BIRC2: variants seen among roughly 807,000 people sequenced by gnomAD.
BIRC2 encodes the protein baculoviral IAP repeat-containing protein 2.
Under a neutral mutation model 60.9 loss-of-function variants are expected in BIRC2, and 18 were observed. The ratio of observed to expected loss-of-function variants is 0.30; its 90% CI spans 0.20 to 0.44. BIRC2 has a LOEUF of 0.44. Ranked by LOEUF, BIRC2 falls within the 20% of genes least tolerant of loss-of-function variation. The pLI is 1.00. For synonymous variants in BIRC2, 282 were observed against 247.7 expected (o/e 1.14, Z -1.30); for missense variants, 701 against 728.5 (o/e 0.96, Z 0.43).
chr11:102,376,858 T>C (rs951096534), intron 6 of BIRC2, among the ~76,000 whole-genome samples: 2 of 152,154 alleles, frequency 1.3e-5, no homozygotes, highest in African/African-American at 2.4e-5. Context: ...ATGAGGAAAC[T>C]GAGGTGTATG....
intron 3 of BIRC2, among the ~76,000 whole-genome samples, chr11:102,362,209 A>C (rs979507961): frequency 6.6e-6 from 1 of 152,028 alleles, no homozygotes; most frequent in African/African-American, 2.4e-5. Flanking sequence ...TATATGATCC[A>C]TTTTTACTAT....
intron 5 of BIRC2, among the ~76,000 whole-genome samples, chr11:102,364,426 C>T (rs922822677): frequency 6.6e-6 from 1 of 151,926 alleles, no homozygotes; most frequent in East Asian, 1.9e-4. Flanking sequence ...ATTTGGAAAA[C>T]GTCAATTCAC....
At chr11:102,350,809 C>A (rs368472149) in intron 2 of BIRC2, 35 bp from the exon 3 acceptor site, 3 of 1,609,908 alleles carry the variant, frequency 1.9e-6, no homozygotes, top group Non-Finnish European at 2.5e-6. Flanking sequence ...TTAGAACATA[C>A]GTGTTTTCAA....
rs188890874 is a variant in BIRC2, at chr11:102,351,535, A to C, written c.995+592A>C. 2.9e-3 allele frequency among the ~76,000 whole-genome samples: 404 copies of C among 140,664 alleles called. 4 individuals carry two copies. The highest frequency in any genetic ancestry group is 1.0e-2 in the African/African-American group (382 of 38,332). 92.3% of individuals were successfully genotyped at this position (140,664 alleles called of 152,430 possible). On this transcript the variant is annotated intron_variant, in intron 3 of 8. Transcript: ENST00000227758. ...GAGGCTGAGACAGGAGAATCGCTTG[A>C]GCTCAGGAGGCGGAGGCTGCAGTGA...
At chr11:102,354,289 A>G (rs1472635298) in intron 3 of BIRC2, among the ~76,000 whole-genome samples, 1 of 152,174 alleles carries the variant, frequency 6.6e-6, no homozygotes, top group Non-Finnish European at 1.5e-5. Flanking sequence ...GGCTCACTGC[A>G]ATCTCCACCT....
chr11:102,353,978 T>C (rs1951391888), intron 3 of BIRC2, among the ~76,000 whole-genome samples: 1 of 152,154 alleles, frequency 6.6e-6, no homozygotes, highest in African/African-American at 2.4e-5. Context: ...CATACTGAAG[T>C]CCAGAAGTTG....
intron 5 of BIRC2, among the ~76,000 whole-genome samples, chr11:102,365,574 C>G (rs754213159): frequency 6.6e-6 from 1 of 152,050 alleles, no homozygotes; most frequent in South Asian, 2.1e-4. Flanking sequence ...GGTGCTTTGT[C>G]GTTGTTTTTT....
chr11:102,374,710 T>G (rs527841054), intron 6 of BIRC2, among the ~76,000 whole-genome samples: 1 of 151,280 alleles, frequency 6.6e-6, no homozygotes, highest in Non-Finnish European at 1.5e-5. Flanking sequence ...TTCGAGTTCC[T>G]GGCTGCTTTG....
At chr11:102,360,241 C>T (rs181911453) in intron 3 of BIRC2, among the ~76,000 whole-genome samples, 21 of 152,288 alleles carry the variant, frequency 1.4e-4, no homozygotes, top group Admixed American at 2.6e-4. Flanking sequence ...TGCTGGATTA[C>T]AGGTGTGAGC....
At chr11:102,359,753 A>G (rs371117927) in intron 3 of BIRC2, among the ~76,000 whole-genome samples, 14 of 152,132 alleles carry the variant, frequency 9.2e-5, no homozygotes, top group Admixed American at 7.9e-4. Flanking sequence ...TTTCTGTTAC[A>G]GTTTTAAAAT....
chr11:102,367,322 C>T (rs1302803620), intron 5 of BIRC2, among the ~76,000 whole-genome samples: 70 of 143,712 alleles, frequency 4.9e-4, no homozygotes, highest in Non-Finnish European at 7.5e-4. Context: ...TTTTTTTTTT[C>T]TGCTGTAAAT....
intron 6 of BIRC2, among the ~76,000 whole-genome samples, chr11:102,375,403 A>C (rs1951698593): frequency 6.6e-6 from 1 of 152,210 alleles, no homozygotes; most frequent in Non-Finnish European, 1.5e-5. Flanking sequence ...AAAGACAGGA[A>C]TAACTTAAGA....
At chr11:102,351,942 T>C (rs1024834814) in intron 3 of BIRC2, among the ~76,000 whole-genome samples, 1 of 152,180 alleles carries the variant, frequency 6.6e-6, no homozygotes, top group Admixed American at 6.5e-5. Flanking sequence ...TTTAAGTGTA[T>C]AGTTGTGTGT....
rs564105415 is a variant in BIRC2 at position 102,374,615 on chromosome 11, CTT to C, written c.1367-2877_1367-2876del. Among the ~76,000 whole-genome samples, 1,471 of 151,896 alleles carry C rather than the reference CTT, an allele frequency of 9.7e-3. 23 individuals are homozygous for C. Among genetic ancestry groups the C allele is most frequent in the African/African-American group, 0.034 (1,415 of 41,394 alleles). ...TTAAGTCTGCAGAGGTTACTGCTGTCTTTTTGTTTGTCTGTGCCCTGCCCCCA... is the reference window on the plus strand; with the variant it reads ...TTAAGTCTGCAGAGGTTACTGCTGTCTTTGTTTGTCTGTGCCCTGCCCCCA... On this transcript the variant is annotated intron_variant, in intron 6 of 8. Coordinates refer to ENST00000227758, the MANE Select transcript of BIRC2 (RefSeq NM_001166.5).
chr11:102,367,354 T>C (rs1373916229), intron 5 of BIRC2, among the ~76,000 whole-genome samples: 1 of 152,128 alleles, frequency 6.6e-6, no homozygotes, highest in Non-Finnish European at 1.5e-5. Flanking sequence ...GATCCTCTAA[T>C]GTGTCTCTTA....
intron 3 of BIRC2, among the ~76,000 whole-genome samples, chr11:102,358,851 T>A (rs147169508): frequency 7.0e-4 from 106 of 152,334 alleles, no homozygotes; most frequent in African/African-American, 2.4e-3. Context: ...ATGCATGTGC[T>A]TAAAGGTGAA....
intron 3 of BIRC2, among the ~76,000 whole-genome samples, chr11:102,362,252 C>A (rs35349073): frequency 2.2e-4 from 33 of 151,662 alleles, no homozygotes; most frequent in African/African-American, 6.3e-4. Context: ...GGTCAGTGTT[C>A]CTTTTTTTTA....
Position 102,369,531 on chromosome 11 carries a change from A to T in BIRC2, c.1366+983A>T, listed in dbSNP as rs1269558131. Among the ~76,000 whole-genome samples the T allele has an allele frequency of 4.9e-3, 719 of 148,174 alleles. 6 individuals carry two copies. Among genetic ancestry groups the T allele is most frequent in the African/African-American group, 0.017 (682 of 39,790 alleles). On this transcript the variant is annotated intron_variant, in intron 6 of 8. Transcript: ENST00000227758. ...ATGGCTGCATAGTATTCCATGGTGT[A>T]TATGTGCCACATTTTCTTAATCCGG...
chr11:102,352,394 G>A (rs189362514), intron 3 of BIRC2, among the ~76,000 whole-genome samples: 131 of 150,938 alleles, frequency 8.7e-4, no homozygotes, highest in East Asian at 4.5e-3. Context: ...GATTACAGGC[G>A]TGAGCCACCG....
Sources: gnomAD v4.1 joint callset for allele counts (sites outside exome capture counted in the v4.1 genomes callset) on GRCh38, gnomAD v4.1.1 for gene constraint, MANE v1.5 for transcripts, NCBI Gene and HGNC (gene_info 2026-07-23, HGNC 2026-07-21) for gene names.